Variants in CDH12 observed in about 807,000 individuals in gnomAD.
CDH12 encodes the protein cadherin 12.
A neutral mutation model predicts 74.1 loss-of-function variants in CDH12; 41 were observed. The ratio of observed to expected loss-of-function variants is 0.55; its 90% CI spans 0.43 to 0.72. The LOEUF is 0.72. Ranked by LOEUF, CDH12 falls within the 30% of genes least tolerant of loss-of-function variation. The pLI is 0.00. For missense variants in CDH12, 945 were observed against 977.2 expected (o/e 0.97, Z 0.44); for synonymous variants, 399 against 355.0 (o/e 1.12, Z -1.39).
At chr5:22,082,468 T>A (rs1046298147) in intron 4 of CDH12, among the ~76,000 whole-genome samples, 1 of 152,152 alleles carries the variant, frequency 6.6e-6, no homozygotes, top group African/African-American at 2.4e-5. Context: ...TTGAATCCAC[T>A]GCACAAAGAG....
At chr5:22,027,285 T>C (rs1738431555) in intron 5 of CDH12, among the ~76,000 whole-genome samples, 1 of 152,158 alleles carries the variant, frequency 6.6e-6, no homozygotes, top group Admixed American at 6.5e-5. Flanking sequence ...CTTTTTTGGT[T>C]GTGTCTCTGC....
chr5:22,053,056 G>T (rs1740492082), intron 5 of CDH12, among the ~76,000 whole-genome samples: 1 of 150,714 alleles, frequency 6.6e-6, no homozygotes, highest in Non-Finnish European at 1.5e-5. Flanking sequence ...AATACTGAGG[G>T]TCTCTCGTTT....
chr5:22,763,381 T>C (rs1012622105), intron 1 of CDH12, among the ~76,000 whole-genome samples: 3 of 151,972 alleles, frequency 2.0e-5, no homozygotes, highest in African/African-American at 7.2e-5. Flanking sequence ...CCCTTTCATG[T>C]GTGAAGTAAT....
At chr5:22,467,359 C>T (rs1254326606) in intron 2 of CDH12, among the ~76,000 whole-genome samples, 2 of 152,166 alleles carry the variant, frequency 1.3e-5, no homozygotes, top group Non-Finnish European at 2.9e-5. Flanking sequence ...TTCTTCTGGG[C>T]TATCATCTCC....
At chr5:22,448,496 C>G (rs1262643709) in intron 2 of CDH12, among the ~76,000 whole-genome samples, 1 of 151,974 alleles carries the variant, frequency 6.6e-6, no homozygotes, top group African/African-American at 2.4e-5. Context: ...GTATCATTAT[C>G]TGGTGAATTA....
rs934582641 is a variant in CDH12 at position 22,611,135 on chromosome 5, A to G, written c.-522-105771T>C. ...GAAAACCTATATTTTTATCCTAGAT[A>G]TTTCTTGTATATTTCAGACACATAT... On this transcript the variant is annotated intron_variant, in intron 1 of 14. Coordinates refer to ENST00000382254, the MANE Select transcript of CDH12 (RefSeq NM_004061.5). Among the ~76,000 whole-genome samples the G allele has an allele frequency of 2.6e-5, 4 of 152,230 alleles. 1 individual carries two copies. The highest frequency in any genetic ancestry group is 4.4e-5 in the Non-Finnish European group (3 of 67,996).
At chr5:22,015,378 C>A (rs778877905) in intron 5 of CDH12, among the ~76,000 whole-genome samples, 1 of 151,908 alleles carries the variant, frequency 6.6e-6, no homozygotes, top group African/African-American at 2.4e-5. Flanking sequence ...ACATATTGTA[C>A]CAATCCCTTT....
intron 5 of CDH12, among the ~76,000 whole-genome samples, chr5:22,017,803 A>G (rs1322585697): frequency 6.7e-6 from 1 of 148,484 alleles, no homozygotes; most frequent in Non-Finnish European, 1.5e-5. Context: ...CTTGTTGCCC[A>G]GGCTGGAGTG....
At chr5:22,378,402 C>T (rs1027981941) in intron 3 of CDH12, among the ~76,000 whole-genome samples, 4 of 151,946 alleles carry the variant, frequency 2.6e-5, no homozygotes, top group East Asian at 1.9e-4. Context: ...GCTTGAAATG[C>T]TACCATTAAC....
intron 4 of CDH12, among the ~76,000 whole-genome samples, chr5:22,200,494 T>C (rs1434452511): frequency 2.6e-5 from 4 of 152,168 alleles, no homozygotes; most frequent in African/African-American, 9.6e-5. Context: ...ATAGGTGACC[T>C]TTACCAAACG....
chr5:22,134,151 CCTTGTACCATCTT>C (rs1249688901), intron 4 of CDH12, among the ~76,000 whole-genome samples: 2 of 152,062 alleles, frequency 1.3e-5, no homozygotes, highest in Non-Finnish European at 1.5e-5. Context: ...ACCATCATGA[CCTTGTACCATCTT>C]CAGATTCCAT....
intron 2 of CDH12, among the ~76,000 whole-genome samples, chr5:22,491,248 T>G (rs753854655): frequency 6.6e-6 from 1 of 152,182 alleles, no homozygotes; most frequent in African/African-American, 2.4e-5. Flanking sequence ...ACATGTGGTA[T>G]GTGGTTTTCT....
At chr5:22,495,563 C>A (rs886791809) in intron 2 of CDH12, among the ~76,000 whole-genome samples, 1 of 151,898 alleles carries the variant, frequency 6.6e-6, no homozygotes, top group Non-Finnish European at 1.5e-5. Context: ...AAGAGTCTGA[C>A]AAGTTGGAAG....
chr5:22,008,588 G>A (rs557622992), intron 5 of CDH12, among the ~76,000 whole-genome samples: 1 of 152,146 alleles, frequency 6.6e-6, no homozygotes, highest in East Asian at 1.9e-4. Context: ...AGCCACTTGA[G>A]GTTTGATCGT....
At chr5:22,688,605 T>C (rs1210511074) in intron 1 of CDH12, among the ~76,000 whole-genome samples, 1 of 152,150 alleles carries the variant, frequency 6.6e-6, no homozygotes, top group African/African-American at 2.4e-5. Context: ...TTTCTCATCA[T>C]TACAAGTCAG....
intron 5 of CDH12, among the ~76,000 whole-genome samples, chr5:21,982,772 C>T (rs1757363984): frequency 6.6e-6 from 1 of 151,924 alleles, no homozygotes. Context: ...ACAACTAATA[C>T]TCTTTTTACA....
At position 22,732,932 on chromosome 5, in the gene CDH12, C is replaced by T. The variant is rs542590808; in HGVS notation, c.-523+120126G>A. Among the ~76,000 whole-genome samples the T allele has an allele frequency of 2.0e-5, 3 of 151,846 alleles. No homozygotes were observed. The South Asian group carries it at 6.2e-4, about 31-fold the overall frequency. ...AAAACTAATATACCCACTTTTAGAA[C>T]AGTCTTTCAACACTGATAAAAATTT... On this transcript the variant is annotated intron_variant, in intron 1 of 14. Coordinates refer to ENST00000382254, the MANE Select transcript of CDH12 (RefSeq NM_004061.5).
At chr5:22,714,680 C>A (rs1743478603) in intron 1 of CDH12, among the ~76,000 whole-genome samples, 1 of 152,128 alleles carries the variant, frequency 6.6e-6, no homozygotes, top group African/African-American at 2.4e-5. Context: ...CATCAGACAG[C>A]TAATTTATCC....
chr5:21,783,388 A>G lies in CDH12; in HGVS notation c.1363T>C (p.Tyr455His). The G allele has an allele frequency of 6.2e-7, 1 of 1,612,584 alleles. No homozygotes were observed. Among genetic ancestry groups the G allele is most frequent in the Non-Finnish European group, 8.5e-7 (1 of 1,178,716 alleles). The stretch of plus-strand genomic sequence containing the variant: ...TTACTCGCAATTATGGAGAAATTAT[A>G]CTGCGCAGTGCTTTCTCTGTCTAGT... ...ELLDRESTAQYNFSIIASKVS... is the reference protein window; with the variant it reads ...ELLDRESTAQHNFSIIASKVS... Residue 455 changes from tyrosine (Y) to histidine (H), a missense_variant, in exon 11 of 15, where the codon TAT becomes CAT. Tyr to His is a moderately conservative substitution (Grantham distance 83). Around this residue, in one of 3 missense-constraint regions of CDH12, gnomAD observed 791 missense variants for 792.8 expected, o/e 1.00. Transcript: ENST00000382254.
Sources: gnomAD v4.1 joint callset for allele counts (sites outside exome capture counted in the v4.1 genomes callset) on GRCh38, gnomAD v4.1.1 for gene constraint, gnomAD v4.1.1 regional missense constraint, MANE v1.5 for transcripts, NCBI Gene and HGNC (gene_info 2026-07-23, HGNC 2026-07-21) for gene names.